Variants in DNAJC13 observed in about 807,000 individuals in gnomAD.
DNAJC13 encodes dnaJ homolog subfamily C member 13.
DNAJC13 carries 75 observed loss-of-function variants against 290.5 expected under a neutral mutation model. That is an observed-to-expected ratio of 0.26 (90% CI 0.21 to 0.31). The LOEUF (loss-of-function observed/expected upper bound fraction) is 0.31. DNAJC13 is among the 10% of genes least tolerant of loss of function. DNAJC13 has a pLI of 1.00. For missense variants in DNAJC13, 2,260 were observed against 2,674.5 expected, an observed-to-expected ratio of 0.85 and a Z score of 3.42; for synonymous variants, 862 against 892.0, an observed-to-expected ratio of 0.97 and a Z score of 0.60.
intron 1 of DNAJC13, among the ~76,000 whole-genome samples, chr3:132,422,088 T>C (rs956371738): frequency 6.6e-6 from 1 of 151,916 alleles, no homozygotes; most frequent in Non-Finnish European, 1.5e-5. Context: ...TGGAATGCAG[T>C]GACACGATCA....
chr3:132,486,410 A>G (rs1026289158), intron 29 of DNAJC13, among the ~76,000 whole-genome samples: 2 of 152,164 alleles, frequency 1.3e-5, no homozygotes, highest in Non-Finnish European at 2.9e-5. Flanking sequence ...TACAAATGGC[A>G]TTAAATTTCA....
chr3:132,463,690 C>G lies in DNAJC13; in HGVS notation c.1771-6C>G, dbSNP rs773356000. On this transcript the variant is annotated splice_region_variant and splice_polypyrimidine_tract_variant and intron_variant, in intron 16 of 55. Coordinates refer to ENST00000260818, the MANE Select transcript of DNAJC13 (RefSeq NM_015268.4). ...CCTTAGGGATCATCTTACCCTTTTT[C>G]CAAAGGAAGGTGATAAAGAAATTGC... is the stretch of plus-strand genomic sequence containing the variant. 14 of 1,607,344 alleles carry G rather than the reference C, an allele frequency of 8.7e-6. No homozygotes were observed. The highest frequency in any genetic ancestry group is 1.2e-5 in the Non-Finnish European group (14 of 1,177,234).
chr3:132,463,804 A>T lies in DNAJC13; in HGVS notation c.1879A>T (p.Met627Leu), dbSNP rs1933888137. ...AMFTISSDQR[M>L]LTNRQLSRHL... ...GTTTACAATAAGCTCAGATCAAAGG[A>T]TGCTTACAAATAGGTAGGTGATTTA... The change falls in exon 17 of 56, where the codon ATG (methionine) becomes TTG (leucine). Residue 627 changes from methionine to leucine, a missense_variant. This residue lies in a region of DNAJC13 where 762 missense variants were observed against 964.1 expected (regional missense o/e 0.79). Transcript: ENST00000260818. 1.2e-6 allele frequency: 2 copies of T among 1,610,214 alleles called. No individual in the cohort carries two copies. Among genetic ancestry groups the T allele is most frequent in the East Asian group, 2.2e-5 (1 of 44,820 alleles).
At chr3:132,465,653 C>T (rs1195725398) in intron 17 of DNAJC13, among the ~76,000 whole-genome samples, 1 of 152,116 alleles carries the variant, frequency 6.6e-6, no homozygotes, top group South Asian at 2.1e-4. Context: ...ATTAGTAGGA[C>T]TGGTTAAACA....
intron 6 of DNAJC13, among the ~76,000 whole-genome samples, chr3:132,451,082 G>C (rs534624871): frequency 2.1e-4 from 32 of 152,272 alleles, no homozygotes; most frequent in South Asian, 4.1e-4. Flanking sequence ...ACACACAATG[G>C]ATGGCTTAGT....
intron 4 of DNAJC13, 38 bp downstream of exon 4, chr3:132,447,508 T>G: frequency 4.7e-6 from 7 of 1,503,296 alleles, no homozygotes; most frequent in South Asian, 2.8e-5. Flanking sequence ...AATTTCTTTC[T>G]TCTCTTTTTA....
chr3:132,504,310 GTTT>G (rs10563201), intron 41 of DNAJC13, among the ~76,000 whole-genome samples: 84 of 140,294 alleles, frequency 6.0e-4, no homozygotes, highest in East Asian at 1.2e-3. Context: ...GATGCTACTG[GTTT>G]TTTTTTTTTT....
At position 132,509,530 on chromosome 3, in the gene DNAJC13, G is replaced by C. The variant is rs547205040; in HGVS notation, c.5116-1537G>C. ...AAACTGAGTTGATAAAGCAGCAGCA[G>C]GGTTTGGGAAGATTGACTTCAATTT... is the stretch of plus-strand genomic sequence containing the variant. On this transcript the variant is annotated intron_variant, in intron 43 of 55. Coordinates refer to ENST00000260818, the MANE Select transcript of DNAJC13 (RefSeq NM_015268.4). Among the ~76,000 whole-genome samples, 8 of 152,340 alleles carry C rather than the reference G, an allele frequency of 5.3e-5. No homozygotes were observed. In the South Asian group the frequency reaches 1.7e-3, roughly 32 times the overall value.
intron 41 of DNAJC13, 134 bp from the exon 42 acceptor site, chr3:132,505,168 G>T (rs963401090): frequency 7.0e-6 from 4 of 569,714 alleles, no homozygotes; most frequent in Non-Finnish European, 1.3e-5. Context: ...GAATTATTGA[G>T]ATACTTATTA....
intron 51 of DNAJC13, 62 bp downstream of exon 51, chr3:132,523,775 T>C (rs1405863097): frequency 2.0e-6 from 3 of 1,485,648 alleles, no homozygotes; most frequent in East Asian, 2.3e-5. Context: ...ATGGTGTTTC[T>C]CTTACAACCT....
chr3:132,495,191 G>A (rs1935198071), intron 35 of DNAJC13, 25 bp downstream of exon 35: 3 of 1,573,130 alleles, frequency 1.9e-6, no homozygotes, highest in Non-Finnish European at 2.6e-6. Flanking sequence ...TGGAATTCAG[G>A]CATTGGGCTT....
chr3:132,427,708 T>C (rs966450472), intron 1 of DNAJC13, among the ~76,000 whole-genome samples: 3 of 152,136 alleles, frequency 2.0e-5, no homozygotes, highest in Non-Finnish European at 4.4e-5. Flanking sequence ...TCAAGTAATT[T>C]AATAGAATTT....
chr3:132,431,888 G>A (rs1318183872), intron 1 of DNAJC13, among the ~76,000 whole-genome samples: 5 of 152,152 alleles, frequency 3.3e-5, no homozygotes, highest in Non-Finnish European at 5.9e-5. Flanking sequence ...GGGGGTGACC[G>A]CTAACAGAGT....
At chr3:132,470,585 T>A (rs1934173046) in intron 20 of DNAJC13, among the ~76,000 whole-genome samples, 1 of 138,282 alleles carries the variant, frequency 7.2e-6, no homozygotes. Flanking sequence ...GCCCCTCACC[T>A]CCCGGACGGG....
chr3:132,513,810 C>G (rs980662580), intron 45 of DNAJC13, among the ~76,000 whole-genome samples: 2 of 152,060 alleles, frequency 1.3e-5, no homozygotes, highest in Non-Finnish European at 2.9e-5. Flanking sequence ...CCGAGACTTC[C>G]CAGGATTATT....
At chr3:132,479,125 G>GTTAAA (rs1934573284) in intron 24 of DNAJC13, 102 bp from the exon 25 acceptor site, 11 of 593,034 alleles carry the variant, frequency 1.9e-5, no homozygotes, top group Non-Finnish European at 3.0e-5. Context: ...TTATAAAATG[G>GTTAAA]CATTACTTCT....
At chr3:132,503,174 T>G (rs750203458) in intron 40 of DNAJC13, 40 bp from the exon 41 acceptor site, 3 of 1,599,304 alleles carry the variant, frequency 1.9e-6, no homozygotes, top group Non-Finnish European at 2.6e-6. Flanking sequence ...CTATGTAAGA[T>G]AACAGATCTA....
At chr3:132,484,699 A>G (rs769599066) in intron 29 of DNAJC13, 27 bp downstream of exon 29, 12 of 1,548,416 alleles carry the variant, frequency 7.7e-6, no homozygotes, top group Non-Finnish European at 1.1e-5. Flanking sequence ...AACTAGGAGC[A>G]ATTTTAAGAA....
rs1487043667 is a variant in DNAJC13 at position 132,502,467 on chromosome 3, A to G, written c.4715A>G (p.Gln1572Arg). ...GIQKSEETNQ[Q>R]EVANSLAKLS... ...CAGAAAAGTGAAGAAACAAACCAGCAGGTAACTTTAACATTGCTTTAATAT... is the reference window on the plus strand; with the variant it reads ...CAGAAAAGTGAAGAAACAAACCAGCGGGTAACTTTAACATTGCTTTAATAT... Residue 1572 changes from glutamine (Q) to arginine (R), a missense_variant and splice_region_variant, in exon 40 of 56, where the codon CAG becomes CGG. By Grantham distance (43) the Gln-to-Arg change is conservative (BLOSUM62 1). Transcript: ENST00000260818. 7 of 1,604,586 alleles carry G rather than the reference A, an allele frequency of 4.4e-6. No homozygotes were observed. Among genetic ancestry groups the G allele is most frequent in the African/African-American group, 1.3e-5 (1 of 74,654 alleles).
Sources: allele counts gnomAD v4.1 joint callset (sites outside exome capture counted in the v4.1 genomes callset), GRCh38; gene constraint gnomAD v4.1.1; regional missense constraint gnomAD v4.1.1; transcripts MANE v1.5; gene names NCBI Gene and HGNC (gene_info 2026-07-23, HGNC 2026-07-21).